C7: variants seen among roughly 807,000 people sequenced by gnomAD.
C7 encodes complement component C7.
In C7, 83 loss-of-function variants were observed where a neutral mutation model predicts 104.8. The ratio of observed to expected loss-of-function variants is 0.79; its 90% CI spans 0.66 to 0.95. The LOEUF is 0.95. C7 is among the 40% of genes least tolerant of loss of function. C7 has a pLI of 0.00. For missense variants in C7, 1,070 were observed against 1,011.2 expected, an observed-to-expected ratio of 1.06 and a Z score of -0.79; for synonymous variants, 415 against 360.6, an observed-to-expected ratio of 1.15 and a Z score of -1.71.
Position 40,917,004 on chromosome 5 carries a change from G to T in C7, c.6+7388G>T, listed in dbSNP as rs138678270. Among the ~76,000 whole-genome samples the T allele has an allele frequency of 4.3e-3, 657 of 151,440 alleles. 10 individuals carry two copies. The highest frequency in any genetic ancestry group is 8.3e-3 in the East Asian group (43 of 5,152). On this transcript the variant is annotated intron_variant, in intron 1 of 17. Transcript: ENST00000313164. Reference sequence around the variant, plus strand: ...TCAAAAATTAGCCAGGCATGTTGGCGCTCACCTGTAATCCCAGCTACTTGG... The same window carrying T: ...TCAAAAATTAGCCAGGCATGTTGGCTCTCACCTGTAATCCCAGCTACTTGG...
intron 15 of C7, among the ~76,000 whole-genome samples, chr5:40,974,280 C>T (rs1740765491): frequency 6.6e-6 from 1 of 151,932 alleles, no homozygotes; most frequent in African/African-American, 2.4e-5. Context: ...AAAGCACATA[C>T]TTTCGGTGGG....
intron 8 of C7, among the ~76,000 whole-genome samples, 183 bp downstream of exon 8, chr5:40,948,028 CCTGT>C (rs1740089711): frequency 1.3e-5 from 2 of 152,076 alleles, no homozygotes; most frequent in Non-Finnish European, 2.9e-5. Context: ...TTAAGAAAAG[CCTGT>C]CTACTGTTTT....
At chr5:40,968,268 T>G (rs6451552) in intron 14 of C7, among the ~76,000 whole-genome samples, 118,268 of 151,590 alleles carry the variant, frequency 0.78, 46,177 homozygotes, top group South Asian at 0.93. Flanking sequence ...TGGAATTACA[T>G]GCATGCAGCA....
At chr5:40,916,701 T>C (rs889775921) in intron 1 of C7, among the ~76,000 whole-genome samples, 2 of 152,042 alleles carry the variant, frequency 1.3e-5, no homozygotes, top group Admixed American at 6.6e-5. Context: ...TGTACCAAAT[T>C]TTTATTTTTT....
chr5:40,922,039 AAAAC>A (rs200654306), intron 1 of C7, among the ~76,000 whole-genome samples: 2,914 of 137,748 alleles, frequency 0.021, 68 homozygotes, highest in African/African-American at 0.057. Context: ...CTCTGTCTCA[AAAAC>A]AAACAAACAA....
At chr5:40,919,164 C>T (rs1300890133) in intron 1 of C7, among the ~76,000 whole-genome samples, 2 of 150,874 alleles carry the variant, frequency 1.3e-5, no homozygotes, top group Non-Finnish European at 3.0e-5. Context: ...TGCTCTGTCA[C>T]CCAGCCTGTA....
At chr5:40,964,613 C>A (rs1447125499) in intron 13 of C7, 128 bp from the exon 14 acceptor site, 5 of 775,326 alleles carry the variant, frequency 6.4e-6, no homozygotes, top group Non-Finnish European at 8.3e-6. Context: ...TTTATAGACA[C>A]TTTTCTGAAT....
chr5:40,954,603 G>A (rs1420663953), intron 9 of C7, among the ~76,000 whole-genome samples: 1 of 151,654 alleles, frequency 6.6e-6, no homozygotes, highest in African/African-American at 2.4e-5. Flanking sequence ...CTTAGTTTTG[G>A]CTAGGTGCAG....
chr5:40,954,810 G>A (rs561677621), intron 9 of C7: 5 of 178,742 alleles, frequency 2.8e-5, no homozygotes, highest in Non-Finnish European at 5.7e-5. Flanking sequence ...CTTGAACCTG[G>A]GGGGCAGAGT....
chr5:40,979,056 G>T, intron 16 of C7, among the ~76,000 whole-genome samples: 1 of 151,222 alleles, frequency 6.6e-6, no homozygotes, highest in East Asian at 1.9e-4. Context: ...ATTTTTATAT[G>T]CTTAGTAGAG....
intron 15 of C7, among the ~76,000 whole-genome samples, chr5:40,974,321 G>A (rs538060953): frequency 6.6e-6 from 1 of 151,316 alleles, no homozygotes; most frequent in African/African-American, 2.4e-5. Context: ...GGTTAACCAA[G>A]CTGTAAAGGC....
chr5:40,961,092 A>G (rs1055115674), intron 12 of C7, among the ~76,000 whole-genome samples: 2 of 152,220 alleles, frequency 1.3e-5, no homozygotes, highest in Non-Finnish European at 2.9e-5. Context: ...GTAGACACTA[A>G]GACTTCGTAT....
intron 14 of C7, chr5:40,972,101 G>GT (rs1740709696): frequency 3.9e-6 from 2 of 506,638 alleles, no homozygotes; most frequent in South Asian, 3.4e-5. Context: ...GAAAAGTTTG[G>GT]TTTCAACAGT....
At chr5:40,915,104 G>C (rs941800047) in intron 1 of C7, among the ~76,000 whole-genome samples, 1 of 152,176 alleles carries the variant, frequency 6.6e-6, no homozygotes, top group Non-Finnish European at 1.5e-5. Flanking sequence ...TGAATCATTT[G>C]TGCCAGAGTA....
intron 5 of C7, among the ~76,000 whole-genome samples, chr5:40,936,703 G>A (rs554302554): frequency 1.3e-5 from 2 of 152,210 alleles, no homozygotes; most frequent in South Asian, 4.2e-4. Flanking sequence ...TCCTGGGATG[G>A]TCCTAGTTTT....
intron 4 of C7, among the ~76,000 whole-genome samples, chr5:40,935,503 G>A (rs902612020): frequency 9.2e-5 from 14 of 152,274 alleles, no homozygotes; most frequent in African/African-American, 2.6e-4. Flanking sequence ...GTGAGGCAGC[G>A]ATGGTTTTCA....
intron 13 of C7, among the ~76,000 whole-genome samples, chr5:40,963,377 C>A (rs1023464798): frequency 6.6e-6 from 1 of 152,154 alleles, no homozygotes; most frequent in African/African-American, 2.4e-5. Flanking sequence ...CAGACTTCCT[C>A]ATATGAAAGT....
intron 6 of C7, among the ~76,000 whole-genome samples, chr5:40,938,783 T>TTTG (rs1579850547): frequency 6.6e-6 from 1 of 152,116 alleles, no homozygotes; most frequent in African/African-American, 2.4e-5. Context: ...GTGAGTAGGT[T>TTTG]TTGATCAACA....
chr5:40,909,739 G>T, intron 1 of C7, 123 bp downstream of exon 1: 1 of 574,966 alleles, frequency 1.7e-6, no homozygotes, highest in Non-Finnish European at 2.8e-6. Flanking sequence ...ATAAATAGAA[G>T]GCCAGAGGAA....
Sources: gnomAD v4.1 joint callset for allele counts (sites outside exome capture counted in the v4.1 genomes callset) on GRCh38, gnomAD v4.1.1 for gene constraint, MANE v1.5 for transcripts, NCBI Gene and HGNC (gene_info 2026-07-23, HGNC 2026-07-21) for gene names.